The following CWC27 variants were observed in gnomAD, a reference collection of about 807,000 sequenced individuals.
CWC27 encodes the protein spliceosome-associated protein CWC27 homolog.
In CWC27, 47 loss-of-function variants were observed where a neutral mutation model predicts 63.6. That is an observed-to-expected ratio of 0.74 (90% confidence interval 0.58 to 0.94). The LOEUF (loss-of-function observed/expected upper bound fraction) is 0.94, where lower values mean the gene tolerates loss of function less well. Ranked by LOEUF, CWC27 falls within the 40% of genes least tolerant of loss-of-function variation. The probability of loss-of-function intolerance (pLI) is 0.00; values close to 1 mark genes in which losing one functional copy is unlikely to be tolerated. For synonymous variants in CWC27, 175 were observed against 179.8 expected (o/e 0.97, Z 0.22); for missense variants, 495 against 554.3 (o/e 0.89, Z 1.07).
At chr5:64,994,398 T>C (rs562518380) in intron 13 of CWC27, among the ~76,000 whole-genome samples, 190 of 152,342 alleles carry the variant, frequency 1.2e-3, no homozygotes, top group African/African-American at 4.4e-3. Flanking sequence ...CCATTTTTAA[T>C]TATAAGCCTT....
chr5:64,937,076 G>GT (rs1288506199), intron 11 of CWC27, among the ~76,000 whole-genome samples: 7 of 152,044 alleles, frequency 4.6e-5, no homozygotes, highest in African/African-American at 1.4e-4. Context: ...TTTTTGAAGG[G>GT]TTTTTTGTGT....
chr5:64,979,497 T>G (rs1749292235), intron 13 of CWC27, among the ~76,000 whole-genome samples: 1 of 152,254 alleles, frequency 6.6e-6, no homozygotes, highest in Admixed American at 6.5e-5. Context: ...ACAACATCAT[T>G]TCTGTTCAGT....
intron 10 of CWC27, among the ~76,000 whole-genome samples, chr5:64,840,368 A>T (rs1745774028): frequency 5.6e-5 from 1 of 17,928 alleles, no homozygotes; most frequent in African/African-American, 1.8e-4. Flanking sequence ...TCATTAAAAA[A>T]AAAAAAAAAA....
chr5:64,931,325 G>A (rs1227317384), intron 11 of CWC27, among the ~76,000 whole-genome samples: 1 of 151,818 alleles, frequency 6.6e-6, no homozygotes, highest in Non-Finnish European at 1.5e-5. Context: ...AAAACATGTG[G>A]CAAAATGTTA....
At chr5:64,816,008 A>G (rs1340096846) in intron 10 of CWC27, among the ~76,000 whole-genome samples, 1 of 152,216 alleles carries the variant, frequency 6.6e-6, no homozygotes, top group Non-Finnish European at 1.5e-5. Context: ...TCTTTTCAAG[A>G]AAGCAAGTTG....
chr5:64,944,563 G>A (rs940344956), intron 11 of CWC27, among the ~76,000 whole-genome samples: 7 of 152,162 alleles, frequency 4.6e-5, no homozygotes, highest in African/African-American at 1.7e-4. Flanking sequence ...ACATGTCCCA[G>A]ATTAAGCTAT....
intron 10 of CWC27, among the ~76,000 whole-genome samples, chr5:64,831,227 C>A (rs774222992): frequency 4.6e-5 from 7 of 151,888 alleles, no homozygotes; most frequent in Non-Finnish European, 8.8e-5. Flanking sequence ...ATGACAATTT[C>A]TTGAATTATA....
chr5:64,913,064 T>C (rs989917874), intron 11 of CWC27, among the ~76,000 whole-genome samples: 23 of 152,134 alleles, frequency 1.5e-4, no homozygotes, highest in Admixed American at 7.2e-4. Context: ...CCTGACAAAT[T>C]TGAATTTATT....
chr5:64,944,955 T>G (rs1271543549), intron 11 of CWC27, among the ~76,000 whole-genome samples: 1 of 152,180 alleles, frequency 6.6e-6, no homozygotes, highest in Non-Finnish European at 1.5e-5. Flanking sequence ...TCTCCCCTTC[T>G]GTTTACCTCT....
Position 64,769,179 on chromosome 5 carries a change from G to T in CWC27, c.33G>T (p.Thr11=), listed in dbSNP as rs774206993. MSNIYIQEPP[T]NGKVLLKTTA... ...ACATCTACATCCAGGAGCCTCCCAC[G>T]AATGGGAAGGTGAGAGCCTCATCTA... Residue 11 remains threonine (T), a synonymous_variant, in exon 1 of 14, where the codon ACG becomes ACT. Transcript: ENST00000381070. 8.7e-6 allele frequency: 14 copies of T among 1,613,960 alleles called. No individual in the cohort carries two copies. Among genetic ancestry groups the T allele is most frequent in the Non-Finnish European group, 2.5e-6 (3 of 1,179,986 alleles).
intron 11 of CWC27, among the ~76,000 whole-genome samples, chr5:64,927,162 G>A (rs1011361469): frequency 6.6e-6 from 1 of 152,170 alleles, no homozygotes; most frequent in East Asian, 1.9e-4. Flanking sequence ...GATTCCAACA[G>A]TTTCAGAACA....
At position 64,804,272 on chromosome 5, in the gene CWC27, G is replaced by A; in HGVS notation, c.824G>A (p.Gly275Asp). The change falls in exon 10 of 14, where the codon GGT becomes GAT. Residue 275 changes from glycine to aspartate, a missense_variant. By Grantham distance (94) the Gly-to-Asp change is moderately conservative (BLOSUM62 -1). Around this residue, in one of 3 missense-constraint regions of CWC27, gnomAD observed 463 missense variants for 498.1 expected, o/e 0.93. Coordinates refer to ENST00000381070, the MANE Select transcript of CWC27 (RefSeq NM_005869.4). ...GCAGAGCATGATGAATATATTGATG[G>A]TGATGAAAAGAACCTGATGAGAGAA... is the stretch of plus-strand genomic sequence containing the variant. ...ESAEHDEYID[G>D]DEKNLMRERI... 2 of 1,612,976 alleles carry A rather than the reference G, an allele frequency of 1.2e-6. No individual in the cohort carries two copies. The highest frequency in any genetic ancestry group is 1.7e-6 in the Non-Finnish European group (2 of 1,179,470).
chr5:65,008,632 A>G lies in CWC27; in HGVS notation c.1257-9527A>G, dbSNP rs116610858. Among the ~76,000 whole-genome samples the G allele has an allele frequency of 4.5e-3, 682 of 152,364 alleles. 1 individual carries two copies. Among genetic ancestry groups the G allele is most frequent in the African/African-American group, 0.015 (640 of 41,586 alleles). On this transcript the variant is annotated intron_variant, in intron 13 of 13. Transcript: ENST00000381070. Reference sequence around the variant, plus strand: ...AATGTAGGAAGTGATGTGCCTATGTATTACAGTAGTTCTTGATGAGTTATG... The same window carrying G: ...AATGTAGGAAGTGATGTGCCTATGTGTTACAGTAGTTCTTGATGAGTTATG...
chr5:64,989,734 A>G (rs1443550872), intron 13 of CWC27, among the ~76,000 whole-genome samples: 2 of 152,200 alleles, frequency 1.3e-5, no homozygotes, highest in African/African-American at 4.8e-5. Flanking sequence ...AGGATGGCAG[A>G]GATTCAAATT....
At chr5:64,849,797 G>T (rs1456857319) in intron 10 of CWC27, among the ~76,000 whole-genome samples, 1 of 151,870 alleles carries the variant, frequency 6.6e-6, no homozygotes, top group Non-Finnish European at 1.5e-5. Context: ...GTGTGTGGCA[G>T]TTCTCTCTCT....
intron 11 of CWC27, among the ~76,000 whole-genome samples, chr5:64,925,438 C>T (rs1386443489): frequency 6.6e-6 from 1 of 152,156 alleles, no homozygotes; most frequent in East Asian, 1.9e-4. Context: ...AGATTCTAAT[C>T]CAGTAGAGAA....
At chr5:64,795,531 C>A (rs967005609) in intron 7 of CWC27, among the ~76,000 whole-genome samples, 2 of 152,052 alleles carry the variant, frequency 1.3e-5, no homozygotes, top group Non-Finnish European at 2.9e-5. Context: ...ATTCCCTTGC[C>A]TTTTTCAACC....
intron 10 of CWC27, among the ~76,000 whole-genome samples, chr5:64,849,277 G>A (rs1746070016): frequency 6.6e-6 from 1 of 150,620 alleles, no homozygotes; most frequent in African/African-American, 2.4e-5. Context: ...TAACTATGAA[G>A]GTGAAAGACC....
At chr5:64,869,338 G>T (rs527883664) in intron 10 of CWC27, among the ~76,000 whole-genome samples, 3 of 151,990 alleles carry the variant, frequency 2.0e-5, no homozygotes, top group Non-Finnish European at 4.4e-5. Flanking sequence ...AACTACTTTG[G>T]ATTTTATATT....
Sources: gnomAD v4.1 joint callset for allele counts (sites outside exome capture counted in the v4.1 genomes callset) on GRCh38, gnomAD v4.1.1 for gene constraint, gnomAD v4.1.1 regional missense constraint, MANE v1.5 for transcripts, NCBI Gene and HGNC (gene_info 2026-07-23, HGNC 2026-07-21) for gene names.